ABL1: variants seen among roughly 807,000 people sequenced by gnomAD.
The protein encoded by ABL1 is ABL proto-oncogene 1, non-receptor tyrosine kinase.
ABL1 carries 11 observed loss-of-function variants against 94.7 expected under a neutral mutation model. That is an observed-to-expected ratio of 0.12 (90% CI 0.07 to 0.19). ABL1 has a LOEUF of 0.19. Ranked by LOEUF, ABL1 falls within the 10% of genes least tolerant of loss-of-function variation. ABL1 has a pLI of 1.00. For synonymous variants in ABL1, 656 were observed against 622.4 expected (o/e 1.05, Z -0.80); for missense variants, 1,082 against 1,489.4 (o/e 0.73, Z 4.50).
chr9:130,884,142 A>G lies in ABL1; in HGVS notation c.1852A>G (p.Ser618Gly). 1 of 1,613,562 alleles carries G rather than the reference A, an allele frequency of 6.2e-7. No individual in the cohort carries two copies. The highest frequency in any genetic ancestry group is 8.5e-7 in the Non-Finnish European group (1 of 1,180,012). Residue 618 changes from serine to glycine, a missense_variant, in exon 11 of 11, where the codon AGC becomes GGC. Transcript: ENST00000318560. The surrounding 1 kb of genome is among the most constrained non-coding windows in gnomAD (Gnocchi z 5.6). ...KKTAPTPPKR[S>G]SSFREMDGQP... The stretch of plus-strand genomic sequence containing the variant: ...GACAGCCCCAACCCCTCCCAAACGC[A>G]GCAGCTCCTTCCGGGAGATGGACGG...
chr9:130,842,458 G>T (rs780921568), intron 1 of ABL1, among the ~76,000 whole-genome samples: 2 of 152,108 alleles, frequency 1.3e-5, no homozygotes, highest in Admixed American at 6.5e-5. Context: ...AGCTAATAGC[G>T]TTGTTCATTG....
intron 1 of ABL1, chr9:130,714,515 A>G: frequency 1.2e-6 from 2 of 1,610,788 alleles, no homozygotes; most frequent in Non-Finnish European, 1.7e-6. Flanking sequence ...TTAGGCCTTC[A>G]AGGAACTTTG....
Position 130,795,051 on chromosome 9 carries a change from C to G in ABL1, c.137-59013C>G, listed in dbSNP as rs186318083. 2.6e-4 allele frequency among the ~76,000 whole-genome samples: 40 copies of G among 152,298 alleles called. No homozygotes were observed. The East Asian group carries it at 7.3e-3, about 28-fold the overall frequency. On this transcript the variant is annotated intron_variant, in intron 1 of 10. Transcript: ENST00000372348. ...TGAGTCCCTTCCCGTTTCTTCAGCA[C>G]TGCTTGATATGACTGGTATGGAGGC...
At chr9:130,882,484 C>T (rs1831474962) in intron 10 of ABL1, among the ~76,000 whole-genome samples, 1 of 152,148 alleles carries the variant, frequency 6.6e-6, no homozygotes, top group Non-Finnish European at 1.5e-5. Flanking sequence ...TGCAAGCTGA[C>T]CTCTGAGGGA....
At chr9:130,821,788 G>A (rs190825583) in intron 1 of ABL1, among the ~76,000 whole-genome samples, 20 of 149,832 alleles carry the variant, frequency 1.3e-4, no homozygotes, top group Admixed American at 6.7e-4. Flanking sequence ...TCAGCCTCCC[G>A]GGTAGCTGGG....
At chr9:130,820,807 CCTT>C (rs1830350395) in intron 1 of ABL1, among the ~76,000 whole-genome samples, 1 of 152,074 alleles carries the variant, frequency 6.6e-6, no homozygotes, top group African/African-American at 2.4e-5. Flanking sequence ...TGCTTTTTCC[CCTT>C]TTTTATTAGC....
At chr9:130,852,066 T>A (rs7872328) in intron 1 of ABL1, among the ~76,000 whole-genome samples, 33,934 of 151,874 alleles carry the variant, frequency 0.22, 5,351 homozygotes, top group African/African-American at 0.45. Flanking sequence ...GGGGTGAGCC[T>A]CCACGCCGGG....
intron 1 of ABL1, among the ~76,000 whole-genome samples, chr9:130,840,135 C>T (rs1368551366): frequency 6.6e-6 from 1 of 152,208 alleles, no homozygotes; most frequent in Non-Finnish European, 1.5e-5. Flanking sequence ...AAAATGGTGG[C>T]TTTACCAGTT....
Position 130,884,129 on chromosome 9 carries a change from C to G in ABL1, c.1839C>G (p.Thr613=). Residue 613 remains threonine, a synonymous_variant, in exon 11 of 11, where the codon ACC becomes ACG. Transcript: ENST00000318560. The surrounding 1 kb of genome is among the most constrained non-coding windows in gnomAD (Gnocchi z 5.6). Reference sequence around the variant, plus strand: ...AGAAGAAGAAGAAGACAGCCCCAACCCCTCCCAAACGCAGCAGCTCCTTCC... The same window carrying G: ...AGAAGAAGAAGAAGACAGCCCCAACGCCTCCCAAACGCAGCAGCTCCTTCC... The part of the protein sequence containing the change: ...LIKKKKKTAP[T]PPKRSSSFRE... The G allele has an allele frequency of 1.2e-6, 2 of 1,613,746 alleles. No homozygotes were observed. Among genetic ancestry groups the G allele is most frequent in the Non-Finnish European group, 1.7e-6 (2 of 1,180,038 alleles).
rs35566553 is a variant in ABL1, at chr9:130,749,122, C to T, written c.136+34667C>T. ...CTTGAGCACCAGCTATTTATTTTCT[C>T]TTGAAGCAGTGGTTTATAGTAATAC... On this transcript the variant is annotated intron_variant, in intron 1 of 10. Transcript: ENST00000372348. Among the ~76,000 whole-genome samples, 267 of 152,090 alleles carry T rather than the reference C, an allele frequency of 1.8e-3. 3 individuals are homozygous for T. The East Asian group carries it at 0.042, about 24-fold the overall frequency.
At chr9:130,789,953 T>C (rs566185279) in intron 1 of ABL1, among the ~76,000 whole-genome samples, 1 of 152,200 alleles carries the variant, frequency 6.6e-6, no homozygotes, top group East Asian at 1.9e-4. Context: ...CTAATTGGAG[T>C]TCCAGAAGAA....
intron 1 of ABL1, among the ~76,000 whole-genome samples, chr9:130,750,646 T>TTC (rs1486058308): frequency 1.6e-5 from 2 of 121,618 alleles, no homozygotes; most frequent in Non-Finnish European, 3.5e-5. Context: ...TTTTCTTTCT[T>TTC]TTTTTTTTTT....
intron 1 of ABL1, among the ~76,000 whole-genome samples, chr9:130,740,178 T>C (rs1040307855): frequency 2.6e-5 from 4 of 152,244 alleles, no homozygotes; most frequent in Admixed American, 2.6e-4. Flanking sequence ...CGCCATTTAT[T>C]GAGAGATTCA....
chr9:130,829,364 T>C (rs534187476), intron 1 of ABL1, among the ~76,000 whole-genome samples: 1 of 152,124 alleles, frequency 6.6e-6, no homozygotes, highest in South Asian at 2.1e-4. Flanking sequence ...ATTGAGACCA[T>C]CCTGGTGTAA....
At chr9:130,823,514 G>C (rs1031514958) in intron 1 of ABL1, among the ~76,000 whole-genome samples, 1 of 152,100 alleles carries the variant, frequency 6.6e-6, no homozygotes, top group Non-Finnish European at 1.5e-5. Flanking sequence ...GGTCCTGGAG[G>C]GGCACGATGG....
intron 1 of ABL1, among the ~76,000 whole-genome samples, chr9:130,846,323 C>T (rs541386905): frequency 5.3e-5 from 8 of 152,100 alleles, no homozygotes; most frequent in South Asian, 2.1e-4. Context: ...TCCGCTGGAA[C>T]GGAGTATGAA....
At chr9:130,866,616 C>G (rs1831161530) in intron 4 of ABL1, among the ~76,000 whole-genome samples, 1 of 152,148 alleles carries the variant, frequency 6.6e-6, no homozygotes, top group Non-Finnish European at 1.5e-5. Context: ...GTCAAGCAAC[C>G]TTGGGTCATT....
chr9:130,717,935 C>T (rs1331267112), intron 1 of ABL1, among the ~76,000 whole-genome samples: 3 of 151,680 alleles, frequency 2.0e-5, no homozygotes, highest in Non-Finnish European at 4.4e-5. Flanking sequence ...ATTGCTTGAA[C>T]CCCGGAGCGG....
chr9:130,742,860 C>T (rs1831837417), intron 1 of ABL1, among the ~76,000 whole-genome samples: 2 of 151,034 alleles, frequency 1.3e-5, no homozygotes, highest in South Asian at 2.1e-4. Context: ...TGTATAATAC[C>T]GTATATTATA....
Sources: allele counts gnomAD v4.1 joint callset (sites outside exome capture counted in the v4.1 genomes callset), GRCh38; gene constraint gnomAD v4.1.1; non-coding constraint Gnocchi (gnomAD v3.1); transcripts MANE v1.5; gene names NCBI Gene and HGNC (gene_info 2026-07-23, HGNC 2026-07-21).